Variants in ADK observed in about 807,000 individuals in gnomAD.
The protein encoded by ADK is N6,N6-dimethyladenosine kinase.
In ADK, 24 loss-of-function variants were observed where a neutral mutation model predicts 44.7. The ratio of observed to expected loss-of-function variants is 0.54; its 90% CI spans 0.39 to 0.76. The LOEUF is 0.76. Among genes scored for constraint, ADK ranks in the 30% least tolerant of loss-of-function variants. The pLI is 0.00. For synonymous variants in ADK, 128 were observed against 142.6 expected (o/e 0.90, Z 0.73); for missense variants, 321 against 425.1 (o/e 0.76, Z 2.15).
chr10:74,235,458 C>T (rs1370418212), intron 3 of ADK, among the ~76,000 whole-genome samples: 2 of 152,098 alleles, frequency 1.3e-5, no homozygotes, highest in African/African-American at 4.8e-5. Flanking sequence ...TATGTGCCAC[C>T]ACGCCTGGCT....
chr10:74,560,171 G>A (rs994066914), intron 7 of ADK, among the ~76,000 whole-genome samples: 1 of 152,000 alleles, frequency 6.6e-6, no homozygotes, highest in African/African-American at 2.4e-5. Context: ...CTCCCTCCTT[G>A]GCCTCCCAAA....
At chr10:74,205,505 G>A (rs189219745) in intron 2 of ADK, among the ~76,000 whole-genome samples, 6 of 151,832 alleles carry the variant, frequency 4.0e-5, no homozygotes, top group East Asian at 1.9e-4. Context: ...GCAAAATTCC[G>A]TCTCTATTAA....
intron 10 of ADK, among the ~76,000 whole-genome samples, chr10:74,685,767 C>T (rs971497439): frequency 2.6e-5 from 4 of 152,036 alleles, no homozygotes; most frequent in African/African-American, 9.7e-5. Flanking sequence ...TGAGAGAGCT[C>T]GTTGGATGGG....
chr10:74,316,597 C>G (rs528447696), intron 4 of ADK, among the ~76,000 whole-genome samples: 61 of 152,336 alleles, frequency 4.0e-4, no homozygotes, highest in African/African-American at 1.4e-3. Flanking sequence ...CCTTTGCCTT[C>G]TGCCATGATT....
chr10:74,189,788 T>C (rs1243484081), intron 1 of ADK, among the ~76,000 whole-genome samples: 1 of 152,150 alleles, frequency 6.6e-6, no homozygotes, highest in Non-Finnish European at 1.5e-5. Flanking sequence ...CAACCACTAA[T>C]CTACCTTGTC....
intron 6 of ADK, among the ~76,000 whole-genome samples, chr10:74,490,686 G>A (rs753646727): frequency 1.8e-4 from 28 of 152,082 alleles, no homozygotes; most frequent in East Asian, 3.8e-4. Flanking sequence ...CTTCAATACC[G>A]TTCGTCTCTG....
intron 6 of ADK, among the ~76,000 whole-genome samples, chr10:74,488,542 A>G (rs1305050113): frequency 6.6e-6 from 1 of 150,880 alleles, no homozygotes; most frequent in East Asian, 1.9e-4. Flanking sequence ...TTAAAGTATG[A>G]TAATAACAAA....
chr10:74,480,476 G>A (rs1306519833), intron 6 of ADK, among the ~76,000 whole-genome samples: 1 of 151,798 alleles, frequency 6.6e-6, no homozygotes, highest in Non-Finnish European at 1.5e-5. Flanking sequence ...CAGGGATCCT[G>A]CTATGTTGCC....
intron 4 of ADK, chr10:74,371,650 C>T: frequency 9.8e-7 from 1 of 1,020,152 alleles, no homozygotes; most frequent in Non-Finnish European, 1.5e-6. Flanking sequence ...CAGTACATCT[C>T]TATAAGGAAA....
intron 4 of ADK, among the ~76,000 whole-genome samples, chr10:74,347,450 A>G (rs1473771481): frequency 6.6e-6 from 1 of 152,098 alleles, no homozygotes; most frequent in Non-Finnish European, 1.5e-5. Context: ...TCGTGTGCCT[A>G]CACCACCAGG....
chr10:74,173,840 G>A (rs1842239134), intron 1 of ADK, among the ~76,000 whole-genome samples: 1 of 152,098 alleles, frequency 6.6e-6, no homozygotes, highest in African/African-American at 2.4e-5. Flanking sequence ...GTTAGCTTTG[G>A]GATCATGCCT....
intron 10 of ADK, among the ~76,000 whole-genome samples, chr10:74,702,512 C>CTGCCTTCCTTCT (rs1856460063): frequency 7.4e-6 from 1 of 135,394 alleles, no homozygotes; most frequent in Non-Finnish European, 1.6e-5. Flanking sequence ...CTCAGTCTGT[C>CTGCCTTCCTTCT]TTCCTTCCTT....
chr10:74,573,528 C>T (rs1406415931), intron 7 of ADK, among the ~76,000 whole-genome samples: 8 of 152,208 alleles, frequency 5.3e-5, no homozygotes, highest in African/African-American at 1.9e-4. Flanking sequence ...CCACTGCTCT[C>T]TTCAAAGCTG....
chr10:74,332,055 A>G (rs1489699112), intron 4 of ADK, among the ~76,000 whole-genome samples: 1 of 151,762 alleles, frequency 6.6e-6, no homozygotes, highest in Non-Finnish European at 1.5e-5. Context: ...ACAGAATTTC[A>G]CCCTGTTGAC....
Position 74,447,199 on chromosome 10 carries a change from A to G in ADK, c.555+48620A>G, listed in dbSNP as rs944845201. 6.6e-5 allele frequency among the ~76,000 whole-genome samples: 10 copies of G among 152,276 alleles called. No individual in the cohort carries two copies. The East Asian group carries it at 1.5e-3, about 24-fold the overall frequency. On this transcript the variant is annotated intron_variant, in intron 6 of 10. Coordinates refer to ENST00000539909, the MANE Select transcript of ADK (RefSeq NM_006721.4). Reference sequence around the variant, plus strand: ...AAGAATTGAAAACCCCAAAAAACCAATGAGACCAAGGGGCTTACATATCAT... The same window carrying G: ...AAGAATTGAAAACCCCAAAAAACCAGTGAGACCAAGGGGCTTACATATCAT...
chr10:74,409,744 G>A (rs570532265), intron 6 of ADK, among the ~76,000 whole-genome samples: 2 of 152,268 alleles, frequency 1.3e-5, no homozygotes, highest in East Asian at 1.9e-4. Flanking sequence ...TTATAGGTCA[G>A]TAGAAGAAAC....
chr10:74,203,382 AGG>A (rs1303446799), intron 2 of ADK, among the ~76,000 whole-genome samples: 1 of 151,488 alleles, frequency 6.6e-6, no homozygotes, highest in Non-Finnish European at 1.5e-5. Flanking sequence ...TTTTGGAGAC[AGG>A]GTCTTGCTCT....
chr10:74,306,125 A>C (rs192860522), intron 3 of ADK, among the ~76,000 whole-genome samples: 42 of 152,006 alleles, frequency 2.8e-4, no homozygotes, highest in African/African-American at 1.0e-3. Context: ...TATAGGTCTG[A>C]GTCTTTTTTC....
intron 6 of ADK, among the ~76,000 whole-genome samples, chr10:74,481,933 G>A (rs1212434939): frequency 6.6e-6 from 1 of 152,142 alleles, no homozygotes; most frequent in South Asian, 2.1e-4. Flanking sequence ...CTATTCCTAA[G>A]CACCTTATAT....
Sources: allele counts gnomAD v4.1 joint callset (sites outside exome capture counted in the v4.1 genomes callset), GRCh38; gene constraint gnomAD v4.1.1; transcripts MANE v1.5; gene names NCBI Gene and HGNC (gene_info 2026-07-23, HGNC 2026-07-21).